The following CSMD2 variants were observed in gnomAD, a reference collection of about 807,000 sequenced individuals.
CSMD2 encodes the protein CUB and Sushi multiple domains 2.
Under a neutral mutation model 398.5 loss-of-function variants are expected in CSMD2, and 130 were observed. The ratio of observed to expected loss-of-function variants is 0.33; its 90% CI spans 0.28 to 0.38. CSMD2 has a LOEUF of 0.38. CSMD2 is among the 10% of genes least tolerant of loss of function. The probability of loss-of-function intolerance (pLI) is 1.00; values close to 1 mark genes in which losing one functional copy is unlikely to be tolerated. For synonymous variants in CSMD2, 1,828 were observed against 1,908.5 expected, an observed-to-expected ratio of 0.96 and a Z score of 1.10; for missense variants, 3,829 against 4,764.9, an observed-to-expected ratio of 0.80 and a Z score of 5.78.
intron 25 of CSMD2, among the ~76,000 whole-genome samples, chr1:33,670,176 T>C (rs1254920296): frequency 6.6e-6 from 1 of 152,206 alleles, no homozygotes; most frequent in Non-Finnish European, 1.5e-5. Context: ...CCCCTCAGTC[T>C]AGTGAGATGC....
chr1:34,112,136 CAG>C (rs1661160656), intron 1 of CSMD2, among the ~76,000 whole-genome samples: 1 of 152,098 alleles, frequency 6.6e-6, no homozygotes, highest in Non-Finnish European at 1.5e-5. Context: ...CTTCCTCTTA[CAG>C]TCTCTATAAA....
chr1:33,695,056 G>A (rs1645374098), intron 24 of CSMD2, among the ~76,000 whole-genome samples: 1 of 152,180 alleles, frequency 6.6e-6, no homozygotes, highest in Non-Finnish European at 1.5e-5. Flanking sequence ...GAGGGTGCTG[G>A]TCTTAAATGA....
At chr1:34,010,681 C>G (rs557223234) in intron 3 of CSMD2, among the ~76,000 whole-genome samples, 1 of 151,998 alleles carries the variant, frequency 6.6e-6, no homozygotes, top group South Asian at 2.1e-4. Context: ...TGCAGTGGCA[C>G]GATCTCGGCT....
intron 1 of CSMD2, among the ~76,000 whole-genome samples, chr1:34,112,759 G>A (rs1223488032): frequency 6.6e-6 from 1 of 152,168 alleles, no homozygotes; most frequent in Non-Finnish European, 1.5e-5. Flanking sequence ...TTTCTGGCAA[G>A]AAATTCACAG....
Position 33,835,662 on chromosome 1 carries a change from ATAAAT to A in CSMD2, c.1034-9893_1034-9889del, listed in dbSNP as rs567271192. Among the ~76,000 whole-genome samples the A allele has an allele frequency of 4.6e-3, 601 of 129,968 alleles. 9 individuals carry two copies. Among genetic ancestry groups the A allele is most frequent in the East Asian group, 0.026 (122 of 4,682 alleles). 85.3% of individuals were successfully genotyped at this position (129,968 alleles called of 152,430 possible). ...AAACTTAAAGTATAATAATAATAAA[ATAAAT>A]TAAAACAAAACAAAACAAAACAAAA... On this transcript the variant is annotated intron_variant, in intron 6 of 70. Transcript: ENST00000373381.
intron 4 of CSMD2, among the ~76,000 whole-genome samples, chr1:33,929,037 C>T (rs1644222538): frequency 6.6e-6 from 1 of 152,200 alleles, no homozygotes; most frequent in African/African-American, 2.4e-5. Context: ...TCTTGCTTCC[C>T]TTTAGGGCAC....
chr1:33,751,731 G>A (rs1648279958), intron 13 of CSMD2, among the ~76,000 whole-genome samples: 1 of 152,144 alleles, frequency 6.6e-6, no homozygotes, highest in African/African-American at 2.4e-5. Context: ...ATGCACTCCT[G>A]TGTCAGCCTC....
intron 2 of CSMD2, among the ~76,000 whole-genome samples, chr1:34,080,726 AAAT>A (rs929100211): frequency 2.6e-5 from 4 of 152,138 alleles, no homozygotes; most frequent in African/African-American, 9.7e-5. Flanking sequence ...ATCAAACAAG[AAAT>A]AATAAAACTA....
intron 60 of CSMD2, among the ~76,000 whole-genome samples, chr1:33,538,495 T>A (rs1200831402): frequency 1.3e-5 from 2 of 152,206 alleles, no homozygotes; most frequent in Non-Finnish European, 2.9e-5. Context: ...TGTGTGTCTG[T>A]GTGTATGTGT....
intron 9 of CSMD2, chr1:33,815,165 T>G (rs914543230): frequency 4.6e-5 from 7 of 152,138 alleles, no homozygotes; most frequent in African/African-American, 1.7e-4. Flanking sequence ...ACCAATTCCT[T>G]GCAGAAACAA....
intron 56 of CSMD2, among the ~76,000 whole-genome samples, chr1:33,548,319 G>C (rs1657105102): frequency 6.6e-6 from 1 of 152,222 alleles, no homozygotes; most frequent in Admixed American, 6.5e-5. Context: ...TGATGGAAGG[G>C]AGTCTGGACA....
intron 6 of CSMD2, among the ~76,000 whole-genome samples, chr1:33,833,213 G>A (rs1299608478): frequency 1.7e-5 from 2 of 114,950 alleles, no homozygotes; most frequent in Non-Finnish European, 3.5e-5. Context: ...GAGAATTTTA[G>A]ACCAATATCC....
At chr1:33,804,191 C>A (rs1655953374) in intron 10 of CSMD2, among the ~76,000 whole-genome samples, 2 of 152,172 alleles carry the variant, frequency 1.3e-5, no homozygotes, top group Non-Finnish European at 2.9e-5. Context: ...ACAATAAGAG[C>A]TATTATTGTT....
At chr1:33,744,602 A>C (rs1324279971) in intron 13 of CSMD2, among the ~76,000 whole-genome samples, 1 of 152,196 alleles carries the variant, frequency 6.6e-6, no homozygotes, top group Admixed American at 6.5e-5. Flanking sequence ...TAAATACTAA[A>C]ACAAAATTAT....
chr1:33,877,476 G>A (rs1224224356), intron 5 of CSMD2, among the ~76,000 whole-genome samples: 1 of 152,114 alleles, frequency 6.6e-6, no homozygotes, highest in African/African-American at 2.4e-5. Context: ...ACCTTTGTGA[G>A]GCTCATCTGT....
intron 4 of CSMD2, among the ~76,000 whole-genome samples, chr1:33,921,434 A>G (rs955256293): frequency 2.5e-4 from 38 of 152,298 alleles, no homozygotes; most frequent in African/African-American, 8.7e-4. Flanking sequence ...AGATTTGCCA[A>G]TATTGTTCCG....
chr1:33,975,486 T>TAAAC (rs145373689), intron 3 of CSMD2, among the ~76,000 whole-genome samples: 1 of 146,360 alleles, frequency 6.8e-6, no homozygotes, highest in Admixed American at 6.8e-5. Flanking sequence ...CTCCCAAGTG[T>TAAAC]ACACACACAC....
chr1:33,950,414 A>AGC (rs1644969966), intron 3 of CSMD2, among the ~76,000 whole-genome samples: 1 of 150,600 alleles, frequency 6.6e-6, no homozygotes, highest in East Asian at 1.9e-4. Flanking sequence ...AGAGAGAGAG[A>AGC]GAGAGAGAGG....
intron 3 of CSMD2, among the ~76,000 whole-genome samples, chr1:33,999,626 A>C (rs1646836374): frequency 6.6e-6 from 1 of 151,988 alleles, no homozygotes; most frequent in Admixed American, 6.5e-5. Flanking sequence ...TCCTGGGCCC[A>C]AGTGATCCTC....
Sources: allele counts gnomAD v4.1 joint callset (sites outside exome capture counted in the v4.1 genomes callset), GRCh38; gene constraint gnomAD v4.1.1; transcripts MANE v1.5; gene names NCBI Gene and HGNC (gene_info 2026-07-23, HGNC 2026-07-21).